KHDRBS2: variants seen among roughly 807,000 people sequenced by gnomAD.
KHDRBS2 encodes KH domain-containing, RNA-binding, signal transduction-associated protein 2.
In KHDRBS2, 26 loss-of-function variants were observed where a neutral mutation model predicts 44.3. The ratio of observed to expected loss-of-function variants is 0.59; its 90% confidence interval spans 0.43 to 0.81. The LOEUF (loss-of-function observed/expected upper bound fraction) is 0.81, where lower values mean the gene tolerates loss of function less well. KHDRBS2 is among the 40% of genes least tolerant of loss of function. The pLI, the probability that KHDRBS2 is intolerant of heterozygous loss-of-function variation, is 0.00. For synonymous variants in KHDRBS2, 194 were observed against 151.1 expected, an observed-to-expected ratio of 1.28 and a Z score of -2.08; for missense variants, 476 against 433.1, an observed-to-expected ratio of 1.10 and a Z score of -0.88.
At chr6:62,006,793 G>GA (rs1242213000) in intron 3 of KHDRBS2, among the ~76,000 whole-genome samples, 4 of 151,466 alleles carry the variant, frequency 2.6e-5, no homozygotes, top group Non-Finnish European at 5.9e-5. Flanking sequence ...GACAAAACAA[G>GA]AAAAAATAAT....
the KHDRBS2 span, among the ~76,000 whole-genome samples, chr6:61,596,332 A>G: frequency 6.6e-6 from 1 of 152,236 alleles, no homozygotes; most frequent in African/African-American, 2.4e-5. Context: ...CACGCAAAAA[A>G]TTTTAAATTA....
chr6:62,182,314 G>A (rs1822480977), intron 1 of KHDRBS2, among the ~76,000 whole-genome samples: 2 of 151,946 alleles, frequency 1.3e-5, no homozygotes, highest in African/African-American at 4.8e-5. Flanking sequence ...AGAGAAGGAG[G>A]AAACAGGGAA....
chr6:62,048,378 T>C (rs1788215062), intron 2 of KHDRBS2, among the ~76,000 whole-genome samples: 1 of 151,912 alleles, frequency 6.6e-6, no homozygotes, highest in Admixed American at 6.6e-5. Context: ...GAGATGATTT[T>C]AACGTAAGTC....
chr6:61,945,123 A>ATG lies in KHDRBS2; in HGVS notation c.483+32942_483+32943insCA, dbSNP rs1562490675. 7.3e-4 allele frequency among the ~76,000 whole-genome samples: 54 copies of ATG among 73,996 alleles called. 3 individuals are homozygous for ATG. Among genetic ancestry groups the ATG allele is most frequent in the Non-Finnish European group, 9.9e-4 (35 of 35,432 alleles). 48.5% of individuals were successfully genotyped at this position (73,996 alleles called of 152,430 possible). A position where few individuals can be genotyped will look rare whatever the true frequency, so the allele number is the denominator to read the frequency against. ...AAAAAAAAAAAAAAAGTATATATAT[A>ATG]TATATATATATATATATATATATAT... On this transcript the variant is annotated intron_variant, in intron 4 of 8. Transcript: ENST00000281156.
chr6:61,576,838 A>G, the KHDRBS2 span, among the ~76,000 whole-genome samples: 1 of 152,122 alleles, frequency 6.6e-6, no homozygotes, highest in Non-Finnish European at 1.5e-5. Flanking sequence ...AAATTCTAAT[A>G]TGTTTTATTT....
At chr6:61,617,074 T>C in the KHDRBS2 span, among the ~76,000 whole-genome samples, 7 of 152,190 alleles carry the variant, frequency 4.6e-5, no homozygotes, top group Non-Finnish European at 8.8e-5. Context: ...GAAATGAGGA[T>C]GTAGATGCAG....
chr6:62,095,446 G>A (rs1360061402), intron 2 of KHDRBS2, among the ~76,000 whole-genome samples: 1 of 151,636 alleles, frequency 6.6e-6, no homozygotes, highest in Non-Finnish European at 1.5e-5. Flanking sequence ...ATACTATTGT[G>A]TTACAACTGT....
At chr6:61,716,845 T>G (rs1771519305) in intron 7 of KHDRBS2, among the ~76,000 whole-genome samples, 1 of 152,062 alleles carries the variant, frequency 6.6e-6, no homozygotes, top group Non-Finnish European at 1.5e-5. Context: ...TTGCAACACA[T>G]CAGGTTCTTT....
At position 61,690,057 on chromosome 6, in the gene KHDRBS2, C is replaced by T. The variant is rs1444029999; in HGVS notation, c.952+7138G>A. On this transcript the variant is annotated intron_variant, in intron 8 of 8. Coordinates refer to ENST00000281156, the MANE Select transcript of KHDRBS2 (RefSeq NM_152688.4). ...CAATAAATTATGATGCTTGATAAAT[C>T]AAGTGTAGCACATTTATTTCAGACC... Among the ~76,000 whole-genome samples, 3 of 151,884 alleles carry T rather than the reference C, an allele frequency of 2.0e-5. No individual in the cohort carries two copies. In the Admixed American group the frequency reaches 2.0e-4, roughly 10 times the overall value.
chr6:61,957,868 G>A (rs1221279638), intron 4 of KHDRBS2, among the ~76,000 whole-genome samples: 3 of 152,152 alleles, frequency 2.0e-5, no homozygotes, highest in African/African-American at 4.8e-5. Context: ...TACTGCTCAG[G>A]GAGCATCATG....
At chr6:61,875,038 C>A (rs1160796025) in intron 6 of KHDRBS2, among the ~76,000 whole-genome samples, 2 of 152,108 alleles carry the variant, frequency 1.3e-5, no homozygotes. Context: ...TATGTAACTA[C>A]TACATTAAAG....
chr6:62,114,283 G>A (rs1049104265), intron 2 of KHDRBS2, among the ~76,000 whole-genome samples: 2 of 152,056 alleles, frequency 1.3e-5, no homozygotes, highest in Non-Finnish European at 2.9e-5. Context: ...ACAAAATCCA[G>A]TATCTCTTGC....
At chr6:61,542,697 G>C in the KHDRBS2 span, among the ~76,000 whole-genome samples, 17 of 151,874 alleles carry the variant, frequency 1.1e-4, no homozygotes, top group African/African-American at 4.1e-4. Context: ...TCTCAAATCA[G>C]AGTGTTTATT....
At chr6:61,607,693 C>A in the KHDRBS2 span, among the ~76,000 whole-genome samples, 1,619 of 152,052 alleles carry the variant, frequency 0.011, 8 homozygotes, top group Middle Eastern at 0.048. Context: ...AAAGAAATTT[C>A]TTTTCTTTTT....
the KHDRBS2 span, among the ~76,000 whole-genome samples, chr6:61,596,539 G>A: frequency 6.6e-6 from 1 of 152,100 alleles, no homozygotes; most frequent in Admixed American, 6.5e-5. Context: ...AGCTTCCAAA[G>A]AGTGTTTCTT....
the KHDRBS2 span, among the ~76,000 whole-genome samples, chr6:61,625,389 G>A: frequency 2.0e-5 from 3 of 149,546 alleles, no homozygotes; most frequent in East Asian, 5.9e-4. Flanking sequence ...GATGGACTGT[G>A]GTGGCCATGG....
chr6:61,865,927 C>G (rs1439965472), intron 6 of KHDRBS2, among the ~76,000 whole-genome samples: 1 of 152,234 alleles, frequency 6.6e-6, no homozygotes, highest in Non-Finnish European at 1.5e-5. Flanking sequence ...CTCCCACAGC[C>G]TTGAGCAGCT....
chr6:61,939,566 G>T (rs1172368059), intron 4 of KHDRBS2, among the ~76,000 whole-genome samples: 2 of 151,940 alleles, frequency 1.3e-5, no homozygotes, highest in Non-Finnish European at 2.9e-5. Flanking sequence ...CAGATTTATT[G>T]TTACCTAATG....
At chr6:61,602,887 G>A in the KHDRBS2 span, among the ~76,000 whole-genome samples, 160 of 152,140 alleles carry the variant, frequency 1.1e-3, no homozygotes, top group African/African-American at 3.7e-3. Flanking sequence ...TAACTAAATT[G>A]TCTGCTTCCC....
Sources: gnomAD v4.1 joint callset for allele counts (sites outside exome capture counted in the v4.1 genomes callset) on GRCh38, gnomAD v4.1.1 for gene constraint, MANE v1.5 for transcripts, NCBI Gene and HGNC (gene_info 2026-07-23, HGNC 2026-07-21) for gene names.